Variants in CACNA2D4 observed in about 807,000 individuals in gnomAD.
CACNA2D4 encodes calcium voltage-gated channel auxiliary subunit alpha2delta 4.
A neutral mutation model predicts 163.8 loss-of-function variants in CACNA2D4; 157 were observed. That is an observed-to-expected ratio of 0.96 (90% confidence interval 0.84 to 1.09). The LOEUF is 1.09. Ranked by LOEUF, CACNA2D4 falls within the 50% of genes least tolerant of loss-of-function variation. The probability of loss-of-function intolerance (pLI) is 0.00; values close to 1 mark genes in which losing one functional copy is unlikely to be tolerated. For missense variants in CACNA2D4, 1,410 were observed against 1,479.9 expected (o/e 0.95, Z 0.78); for synonymous variants, 598 against 586.9 (o/e 1.02, Z -0.27).
intron 19 of CACNA2D4, 84 bp from the exon 20 acceptor site, chr12:1,858,728 A>C: frequency 1.9e-6 from 2 of 1,072,826 alleles, no homozygotes; most frequent in Admixed American, 2.3e-5. Flanking sequence ...CCTTACCAAC[A>C]CTAGGTGTAT....
chr12:1,793,592 C>T lies in CACNA2D4; in HGVS notation c.*63G>A, dbSNP rs1362154958. ...CAGTTAGCTGCATCCCATGTCAGTG[C>T]TGACTTTTTGGGATGGCTCTGGAAG... On this transcript the variant is annotated 3_prime_UTR_variant, in exon 38 of 38. Transcript: ENST00000382722. The T allele has an allele frequency of 3.7e-5, 54 of 1,455,826 alleles. No homozygotes were observed. The highest frequency in any genetic ancestry group is 5.2e-5 in the Non-Finnish European group (54 of 1,037,084). The allele number at this position is 1,455,826 out of a possible 1,614,324, so 90.2% of individuals were successfully genotyped here.
chr12:1,818,527 A>G (rs1592670240), intron 26 of CACNA2D4, among the ~76,000 whole-genome samples: 1 of 151,694 alleles, frequency 6.6e-6, no homozygotes, highest in Non-Finnish European at 1.5e-5. Context: ...TAAATGGATT[A>G]AGGGCGGTGC....
At position 1,801,664 on chromosome 12, in the gene CACNA2D4, G is replaced by A; in HGVS notation, c.2722-20C>T. On this transcript the variant is annotated intron_variant, in intron 29 of 37. Coordinates refer to ENST00000382722, the MANE Select transcript of CACNA2D4 (RefSeq NM_172364.5). ...TCCCGTCTGTGAGAGAGGGACAGCA[G>A]AGAGAGAGGGAGGGAGAGAGATGGA... is the stretch of plus-strand genomic sequence containing the variant. The A allele has an allele frequency of 6.6e-7, 1 of 1,514,650 alleles. No homozygotes were observed. Among genetic ancestry groups the A allele is most frequent in the Non-Finnish European group, 9.0e-7 (1 of 1,108,560 alleles). 93.8% of individuals were successfully genotyped at this position (1,514,650 alleles called of 1,614,324 possible).
In CACNA2D4 at chr12:1,879,106, GC is replaced by G. The variant is rs1466435934; in HGVS notation, c.1564-71del. On this transcript the variant is annotated intron_variant, in intron 14 of 37. Transcript: ENST00000382722. ...TGTACAAGGTTAGACTGGACCCTGGGCCTGTCCAGAGCCTGGAAGAGGAAGC... is the reference window on the plus strand; with the variant it reads ...TGTACAAGGTTAGACTGGACCCTGGGCTGTCCAGAGCCTGGAAGAGGAAGC... 70 of 1,281,782 alleles carry G rather than the reference GC, an allele frequency of 5.5e-5. No homozygotes were observed. In the Middle Eastern group the frequency reaches 1.3e-3, roughly 24 times the overall value. The allele number at this position is 1,281,782 out of a possible 1,614,324, so 79.4% of individuals were successfully genotyped here.
chr12:1,896,389 A>G (rs1866400183), intron 6 of CACNA2D4, among the ~76,000 whole-genome samples: 1 of 152,194 alleles, frequency 6.6e-6, no homozygotes, highest in South Asian at 2.1e-4. Context: ...CTCAACAGTA[A>G]AAACAAAACA....
chr12:1,846,671 C>A lies in CACNA2D4; in HGVS notation c.2265G>T (p.Val755=). 6.2e-7 allele frequency: 1 copy of A among 1,600,560 alleles called. No homozygotes were observed. The highest frequency in any genetic ancestry group is 8.5e-7 in the Non-Finnish European group (1 of 1,175,786). Residue 755 remains valine (V), a synonymous_variant, in exon 24 of 38, where the codon GTG becomes GTT. Transcript: ENST00000382722. ...CCCGGGTGCCCAGGAAGGCCATGTC[C>A]ACCACGTGTTCAGACTCCCTGTGTG... ...LNMSEESEHV[V]DMAFLGTRAG...
At chr12:1,889,353 C>T (rs1866223828) in intron 6 of CACNA2D4, among the ~76,000 whole-genome samples, 2 of 152,004 alleles carry the variant, frequency 1.3e-5, no homozygotes. Context: ...TATCAAATAA[C>T]AATACTTGTG....
intron 18 of CACNA2D4, among the ~76,000 whole-genome samples, chr12:1,863,773 T>C (rs1361424656): frequency 1.3e-5 from 2 of 152,170 alleles, no homozygotes; most frequent in African/African-American, 4.8e-5. Context: ...TTATGTGAGC[T>C]GGTCCTGTGT....
intron 26 of CACNA2D4, chr12:1,831,335 C>G: frequency 2.5e-6 from 4 of 1,613,884 alleles, no homozygotes; most frequent in Non-Finnish European, 3.4e-6. Context: ...CCCAGTTGCC[C>G]CCTGGTCTTT....
intron 23 of CACNA2D4, 27 bp from the exon 24 acceptor site, chr12:1,846,716 T>C (rs1482307519): frequency 6.4e-7 from 1 of 1,556,298 alleles, no homozygotes; most frequent in Non-Finnish European, 8.7e-7. Context: ...GCGGGAATGG[T>C]CACCACATGG....
At chr12:1,854,186 G>T in intron 22 of CACNA2D4, 142 bp from the exon 23 acceptor site, 2 of 563,758 alleles carry the variant, frequency 3.5e-6, no homozygotes, top group Non-Finnish European at 6.0e-6. Context: ...GAGCTTGAGG[G>T]AGCTGCCTCA....
chr12:1,915,253 C>G, intron 1 of CACNA2D4: 1 of 702,640 alleles, frequency 1.4e-6, no homozygotes, highest in Non-Finnish European at 2.6e-6. Context: ...CGCGGAGAAC[C>G]CTCAGGACCC....
chr12:1,797,304 C>T (rs1026035635), intron 35 of CACNA2D4, 114 bp downstream of exon 35: 20 of 782,854 alleles, frequency 2.6e-5, no homozygotes, highest in Non-Finnish European at 3.6e-5. Context: ...GACGCATCCC[C>T]TCCTCCCGGC....
At chr12:1,804,287 T>C (rs892290192) in intron 29 of CACNA2D4, among the ~76,000 whole-genome samples, 5 of 152,154 alleles carry the variant, frequency 3.3e-5, no homozygotes, top group Non-Finnish European at 7.3e-5. Flanking sequence ...TGAAGGAATG[T>C]GTGAGGGAAT....
At chr12:1,846,301 C>T (rs1307503334) in intron 24 of CACNA2D4, among the ~76,000 whole-genome samples, 1 of 152,172 alleles carries the variant, frequency 6.6e-6, no homozygotes, top group African/African-American at 2.4e-5. Flanking sequence ...CTGACTGGTC[C>T]GGCCTCCATC....
chr12:1,884,004 C>G, intron 12 of CACNA2D4: 1 of 512,878 alleles, frequency 1.9e-6, no homozygotes, highest in Non-Finnish European at 3.5e-6. Context: ...GGAGCAGAAC[C>G]AGAGTCCATG....
chr12:1,904,880 T>C (rs897513027), intron 6 of CACNA2D4, among the ~76,000 whole-genome samples: 4 of 152,172 alleles, frequency 2.6e-5, no homozygotes, highest in Non-Finnish European at 5.9e-5. Context: ...AGCAAAATGA[T>C]GGAAATAAGT....
chr12:1,821,569 A>G (rs1236844097), intron 26 of CACNA2D4, among the ~76,000 whole-genome samples: 1 of 152,100 alleles, frequency 6.6e-6, no homozygotes, highest in African/African-American at 2.4e-5. Flanking sequence ...CCAGCCGTCC[A>G]TCTGCAAATG....
intron 26 of CACNA2D4, among the ~76,000 whole-genome samples, chr12:1,817,083 G>A (rs1245645200): frequency 6.6e-6 from 1 of 152,214 alleles, no homozygotes; most frequent in East Asian, 1.9e-4. Context: ...GAGACTGCGT[G>A]TTGCACGGGA....
Sources: allele counts gnomAD v4.1 joint callset (sites outside exome capture counted in the v4.1 genomes callset), GRCh38; gene constraint gnomAD v4.1.1; transcripts MANE v1.5; gene names NCBI Gene and HGNC (gene_info 2026-07-23, HGNC 2026-07-21).